Variants in ARFIP1 observed in about 807,000 individuals in gnomAD.
The protein encoded by ARFIP1 is ARF interacting protein 1.
A neutral mutation model predicts 42.5 loss-of-function variants in ARFIP1; 24 were observed. The ratio of observed to expected loss-of-function variants is 0.57; its 90% CI spans 0.41 to 0.80. ARFIP1 has a LOEUF of 0.80. ARFIP1 is among the 30% of genes least tolerant of loss of function. The pLI is 0.00. For missense variants in ARFIP1, 354 were observed against 434.0 expected (o/e 0.82, Z 1.64); for synonymous variants, 141 against 153.7 (o/e 0.92, Z 0.61).
chr4:152,856,602 CTTGAGCATCCGCATGTAT>C (rs1236782168), intron 2 of ARFIP1, among the ~76,000 whole-genome samples: 1 of 152,098 alleles, frequency 6.6e-6, no homozygotes, highest in African/African-American at 2.4e-5. Flanking sequence ...ATATAAGGGA[CTTGAGCATCCGCATGTAT>C]TTTGGTATCC....
intron 1 of ARFIP1, among the ~76,000 whole-genome samples, chr4:152,804,710 T>C (rs1013048197): frequency 2.0e-5 from 3 of 151,200 alleles, no homozygotes; most frequent in Non-Finnish European, 4.4e-5. Context: ...GGAATAATAA[T>C]GGTACCTAGG....
chr4:152,907,647 G>T (rs190638349), intron 8 of ARFIP1, among the ~76,000 whole-genome samples: 2 of 152,138 alleles, frequency 1.3e-5, no homozygotes, highest in African/African-American at 4.8e-5. Context: ...CCTACCACAG[G>T]CATTCTGCAA....
intron 5 of ARFIP1, among the ~76,000 whole-genome samples, chr4:152,874,895 T>C (rs1561161369): frequency 6.6e-6 from 1 of 152,008 alleles, no homozygotes; most frequent in African/African-American, 2.4e-5. Context: ...ACTCCTGGGT[T>C]CAAGCAGTCC....
At chr4:152,866,723 G>T (rs1292132407) in intron 3 of ARFIP1, among the ~76,000 whole-genome samples, 2 of 150,536 alleles carry the variant, frequency 1.3e-5, no homozygotes, top group South Asian at 2.1e-4. Context: ...AGGCGGAGGG[G>T]CTCCTCACTT....
At chr4:152,799,427 C>T (rs1731666026) in intron 1 of ARFIP1, among the ~76,000 whole-genome samples, 3 of 152,180 alleles carry the variant, frequency 2.0e-5, no homozygotes, top group Admixed American at 6.5e-5. Context: ...GTTTATGTGA[C>T]ACAGTACTAG....
chr4:152,830,554 G>T (rs951795648), intron 2 of ARFIP1, among the ~76,000 whole-genome samples: 2 of 152,108 alleles, frequency 1.3e-5, no homozygotes, highest in Admixed American at 1.3e-4. Context: ...AAATTATTAT[G>T]TAGTTTAAAT....
chr4:152,902,512 G>A (rs1378873372), intron 8 of ARFIP1, among the ~76,000 whole-genome samples: 1 of 152,138 alleles, frequency 6.6e-6, no homozygotes, highest in African/African-American at 2.4e-5. Context: ...GGGTCTCGGG[G>A]TGGGCGGGGG....
chr4:152,892,108 T>C (rs1202113189), intron 8 of ARFIP1, among the ~76,000 whole-genome samples: 1 of 152,152 alleles, frequency 6.6e-6, no homozygotes, highest in Non-Finnish European at 1.5e-5. Context: ...GCTCTCACTA[T>C]GTGGCCCAGG....
chr4:152,801,034 A>T (rs1728380164), intron 1 of ARFIP1, among the ~76,000 whole-genome samples: 2 of 152,166 alleles, frequency 1.3e-5, no homozygotes, highest in African/African-American at 4.8e-5. Context: ...CATGATTGGT[A>T]GAAAGAAAAC....
chr4:152,893,942 A>G (rs1302759713), intron 8 of ARFIP1, among the ~76,000 whole-genome samples: 3 of 152,056 alleles, frequency 2.0e-5, no homozygotes, highest in Non-Finnish European at 4.4e-5. Flanking sequence ...CTTTTCTAAT[A>G]TATTATTTAA....
intron 1 of ARFIP1, among the ~76,000 whole-genome samples, chr4:152,785,403 C>G (rs1730740567): frequency 6.6e-6 from 1 of 152,156 alleles, no homozygotes; most frequent in Non-Finnish European, 1.5e-5. Flanking sequence ...AGGGATGGAT[C>G]AGGAATTTAT....
At chr4:152,857,582 G>A (rs1196180818) in intron 2 of ARFIP1, among the ~76,000 whole-genome samples, 1 of 152,142 alleles carries the variant, frequency 6.6e-6, no homozygotes, top group Non-Finnish European at 1.5e-5. Flanking sequence ...GCTTTGTATA[G>A]TTCCAATATA....
Position 152,911,040 on chromosome 4 carries a change from A to C in ARFIP1, c.*821A>C, listed in dbSNP as rs1010217620. 2 of 152,668 alleles carry C rather than the reference A, an allele frequency of 1.3e-5. No homozygotes were observed. Among genetic ancestry groups the C allele is most frequent in the African/African-American group, 4.8e-5 (2 of 41,466 alleles). 9.5% of individuals were successfully genotyped at this position (152,668 alleles called of 1,614,324 possible). On this transcript the variant is annotated 3_prime_UTR_variant, in exon 9 of 9. Transcript: ENST00000353617. ...TACTTAGAAAACTAGTTTTTGGGTCAGTTCCATTTTGATAGAAGTGAATAC... is the reference window on the plus strand; with the variant it reads ...TACTTAGAAAACTAGTTTTTGGGTCCGTTCCATTTTGATAGAAGTGAATAC...
chr4:152,861,949 C>T (rs993920744), intron 2 of ARFIP1, among the ~76,000 whole-genome samples: 1 of 152,124 alleles, frequency 6.6e-6, no homozygotes, highest in Non-Finnish European at 1.5e-5. Flanking sequence ...ACGGTGGTAT[C>T]TTATGATTAA....
intron 1 of ARFIP1, among the ~76,000 whole-genome samples, chr4:152,805,713 G>C (rs1216235120): frequency 6.6e-6 from 1 of 152,170 alleles, no homozygotes; most frequent in African/African-American, 2.4e-5. Flanking sequence ...TATGTCAAGC[G>C]CTCTTCTAAA....
At chr4:152,902,743 AT>A (rs1471996736) in intron 8 of ARFIP1, among the ~76,000 whole-genome samples, 1 of 152,142 alleles carries the variant, frequency 6.6e-6, no homozygotes, top group Non-Finnish European at 1.5e-5. Context: ...TTCCTGGAAC[AT>A]TTTGGCTTTT....
intron 6 of ARFIP1, among the ~76,000 whole-genome samples, chr4:152,882,028 CT>C (rs1006039178): frequency 3.3e-5 from 5 of 152,106 alleles, no homozygotes; most frequent in Admixed American, 2.0e-4. Flanking sequence ...CCTGATTAAT[CT>C]GTTAATTAGT....
chr4:152,798,375 T>C (rs1731602444), intron 1 of ARFIP1, among the ~76,000 whole-genome samples: 1 of 152,224 alleles, frequency 6.6e-6, no homozygotes, highest in Non-Finnish European at 1.5e-5. Context: ...AGGACTAAAA[T>C]GTATATATTT....
chr4:152,822,975 A>G (rs555411310), intron 1 of ARFIP1, among the ~76,000 whole-genome samples: 62 of 152,322 alleles, frequency 4.1e-4, no homozygotes, highest in African/African-American at 1.3e-3. Flanking sequence ...TGGCAACCTA[A>G]CATCACACCT....
Sources: gnomAD v4.1 joint callset for allele counts (sites outside exome capture counted in the v4.1 genomes callset) on GRCh38, gnomAD v4.1.1 for gene constraint, MANE v1.5 for transcripts, NCBI Gene and HGNC (gene_info 2026-07-23, HGNC 2026-07-21) for gene names.